Variants in MYLK4 observed in about 807,000 individuals in gnomAD.
MYLK4 encodes the protein myosin light chain kinase family member 4, also known as caMLCK like.
A neutral mutation model predicts 48.1 loss-of-function variants in MYLK4; 46 were observed. That is an observed-to-expected ratio of 0.96 (90% CI 0.75 to 1.22). The LOEUF is 1.22. Ranked by LOEUF, MYLK4 falls within the 50% of genes most tolerant of loss-of-function variation. The probability of loss-of-function intolerance (pLI) is 0.00; values close to 1 mark genes in which losing one functional copy is unlikely to be tolerated. For synonymous variants in MYLK4, 170 were observed against 180.8 expected (o/e 0.94, Z 0.48); for missense variants, 451 against 486.1 (o/e 0.93, Z 0.68).
chr6:2,711,947 A>G (rs1375133727), intron 2 of MYLK4, among the ~76,000 whole-genome samples: 1 of 152,250 alleles, frequency 6.6e-6, no homozygotes, highest in Non-Finnish European at 1.5e-5. Context: ...GTGCTTCTGT[A>G]AAGATGTAAA....
chr6:2,747,017 G>A (rs1561885955), intron 2 of MYLK4, among the ~76,000 whole-genome samples: 1 of 152,198 alleles, frequency 6.6e-6, no homozygotes. Flanking sequence ...GAGAGACAGG[G>A]AAATTTATTG....
intron 2 of MYLK4, among the ~76,000 whole-genome samples, chr6:2,728,710 A>G (rs1332434829): frequency 6.6e-6 from 1 of 152,200 alleles, no homozygotes. Flanking sequence ...TAGTTATCAC[A>G]GTGACCAAAA....
the MYLK4 span, among the ~76,000 whole-genome samples, chr6:2,764,894 T>C: frequency 6.6e-6 from 1 of 152,182 alleles, no homozygotes; most frequent in Non-Finnish European, 1.5e-5. Context: ...TTGTTTGTAT[T>C]TTTTCTGCTG....
the MYLK4 span, among the ~76,000 whole-genome samples, chr6:2,763,195 T>C: frequency 1.1e-4 from 16 of 152,318 alleles, 1 homozygote; most frequent in South Asian, 3.1e-3. Flanking sequence ...AGAGTGCCGA[T>C]TGGTGTATTT....
intron 7 of MYLK4, 64 bp from the exon 8 acceptor site, chr6:2,680,355 A>G: frequency 6.2e-7 from 1 of 1,607,878 alleles, no homozygotes; most frequent in Non-Finnish European, 8.5e-7. Context: ...TTGTCCTTGA[A>G]CCACAACTAA....
At chr6:2,765,182 ACC>A in the MYLK4 span, among the ~76,000 whole-genome samples, 300 of 72,944 alleles carry the variant, frequency 4.1e-3, 15 homozygotes, top group Admixed American at 0.031. Context: ...TCGCCTCGCA[ACC>A]CCCCCCCCCG....
At chr6:2,728,411 T>TA (rs142014581) in intron 2 of MYLK4, among the ~76,000 whole-genome samples, 3,175 of 150,844 alleles carry the variant, frequency 0.021, 69 homozygotes, top group African/African-American at 0.066. Flanking sequence ...AGAGTTTTAT[T>TA]AAAAAAAACA....
the MYLK4 span, among the ~76,000 whole-genome samples, chr6:2,756,447 A>G: frequency 2.6e-5 from 4 of 152,160 alleles, no homozygotes; most frequent in Admixed American, 2.6e-4. Context: ...CCATTTCTTC[A>G]AGGAGCCCTC....
At chr6:2,703,948 C>T (rs1294456113) in intron 2 of MYLK4, among the ~76,000 whole-genome samples, 3 of 152,076 alleles carry the variant, frequency 2.0e-5, no homozygotes, top group Admixed American at 1.3e-4. Flanking sequence ...GGATTACAGG[C>T]GAATTCTTTC....
the MYLK4 span, among the ~76,000 whole-genome samples, chr6:2,768,491 C>A: frequency 3.3e-5 from 5 of 152,176 alleles, 1 homozygote; most frequent in Non-Finnish European, 7.3e-5. Flanking sequence ...TAGCTACTTT[C>A]CTGTTTTATT....
intron 2 of MYLK4, among the ~76,000 whole-genome samples, chr6:2,736,321 C>A (rs1385145828): frequency 6.6e-6 from 1 of 152,234 alleles, no homozygotes. Flanking sequence ...ATGGCGCGAT[C>A]TCGGCTCACT....
intron 2 of MYLK4, among the ~76,000 whole-genome samples, chr6:2,716,860 G>A (rs1762883030): frequency 6.6e-6 from 1 of 152,226 alleles, no homozygotes; most frequent in African/African-American, 2.4e-5. Flanking sequence ...CAGTTAGGAT[G>A]TGCTTGGAAC....
chr6:2,704,079 C>T (rs1762400178), intron 2 of MYLK4, among the ~76,000 whole-genome samples: 1 of 152,230 alleles, frequency 6.6e-6, no homozygotes, highest in African/African-American at 2.4e-5. Flanking sequence ...GCATTTCTGA[C>T]TCCCTCAAGG....
chr6:2,665,467 C>A lies in MYLK4; in HGVS notation c.*2458G>T, dbSNP rs1471772583. 1 of 152,236 alleles carries A rather than the reference C, an allele frequency of 6.6e-6. No homozygotes were observed. Among genetic ancestry groups the A allele is most frequent in the Non-Finnish European group, 1.5e-5 (1 of 68,042 alleles). 9.4% of individuals were successfully genotyped at this position (152,236 alleles called of 1,614,324 possible). On this transcript the variant is annotated 3_prime_UTR_variant, in exon 13 of 13. Transcript: ENST00000274643. Reference sequence around the variant, plus strand: ...GTGGAAATTTAACTACAGAATCAAACAAGATCCATTTTCAAAGTACAGTCT... The same window carrying A: ...GTGGAAATTTAACTACAGAATCAAAAAAGATCCATTTTCAAAGTACAGTCT...
At position 2,678,251 on chromosome 6, in the gene MYLK4, ACTCCTTGGCCTCC is replaced by A. The variant is rs868595819; in HGVS notation, c.996_1008del (p.Glu332AspfsTer7). ...TCCTTAATCAGAAGCTTAGAGATGA[ACTCCTTGGCCTCC>A]TCCGAGATGTCCTGAAATTCTTCAT... is the stretch of plus-strand genomic sequence containing the variant. On this transcript the variant is annotated frameshift_variant, in exon 10 of 13. Transcript: ENST00000274643. LOFTEE classifies it high-confidence loss of function. 1 of 1,614,002 alleles carries A rather than the reference ACTCCTTGGCCTCC, an allele frequency of 6.2e-7. No homozygotes were observed. Among genetic ancestry groups the A allele is most frequent in the South Asian group, 1.1e-5 (1 of 91,048 alleles).
chr6:2,768,988 G>GCTC, the MYLK4 span: 1 of 1,177,672 alleles, frequency 8.5e-7, no homozygotes, highest in Non-Finnish European at 1.2e-6. Flanking sequence ...TGTTTACAAA[G>GCTC]AAGCGTAGGC....
At chr6:2,760,971 T>A in the MYLK4 span, among the ~76,000 whole-genome samples, 1 of 152,210 alleles carries the variant, frequency 6.6e-6, no homozygotes, top group African/African-American at 2.4e-5. Context: ...TTTAAGATGC[T>A]GACTAAAGAT....
Position 2,671,980 on chromosome 6 carries a change from G to A in MYLK4, c.1120-632C>T, listed in dbSNP as rs74416027. On this transcript the variant is annotated intron_variant, in intron 11 of 12. Transcript: ENST00000274643. Reference sequence around the variant, plus strand: ...GGGTCTAGTGTGGACAATGGGAAACGCGTGAAGATTTTTTCAGTCAAGGTC... The same window carrying A: ...GGGTCTAGTGTGGACAATGGGAAACACGTGAAGATTTTTTCAGTCAAGGTC... 3.1e-3 allele frequency among the ~76,000 whole-genome samples: 470 copies of A among 152,290 alleles called. 3 individuals are homozygous for A. Among genetic ancestry groups the A allele is most frequent in the African/African-American group, 0.011 (441 of 41,570 alleles).
At chr6:2,766,415 A>C in the MYLK4 span, 1 of 1,596,698 alleles carries the variant, frequency 6.3e-7, no homozygotes, top group Non-Finnish European at 8.5e-7. Flanking sequence ...CCCCTCGCTT[A>C]TCCTGTGGGG....
Sources: allele counts gnomAD v4.1 joint callset (sites outside exome capture counted in the v4.1 genomes callset), GRCh38; gene constraint gnomAD v4.1.1; transcripts MANE v1.5; gene names NCBI Gene and HGNC (gene_info 2026-07-23, HGNC 2026-07-21).